PAX9: variants seen among roughly 807,000 people sequenced by gnomAD.
PAX9 encodes paired box protein Pax-9.
A neutral mutation model predicts 29.1 loss-of-function variants in PAX9; 6 were observed. The ratio of observed to expected loss-of-function variants is 0.21; its 90% CI spans 0.11 to 0.41. The LOEUF is 0.41. PAX9 is among the 10% of genes least tolerant of loss of function. PAX9 has a pLI of 1.00. For synonymous variants in PAX9, 217 were observed against 211.7 expected, an observed-to-expected ratio of 1.03 and a Z score of -0.22; for missense variants, 443 against 479.1, an observed-to-expected ratio of 0.92 and a Z score of 0.70.
chr14:36,675,180 G>A (rs899816311), intron 3 of PAX9, among the ~76,000 whole-genome samples: 9 of 151,822 alleles, frequency 5.9e-5, no homozygotes, highest in Admixed American at 6.6e-5. Flanking sequence ...TCAGGACACA[G>A]CATCTACACT....
intron 3 of PAX9, among the ~76,000 whole-genome samples, chr14:36,675,946 T>C (rs925402682): frequency 2.6e-5 from 4 of 152,216 alleles, no homozygotes; most frequent in Non-Finnish European, 5.9e-5. Flanking sequence ...AAGCAAATAC[T>C]ACGAATTTTC....
At position 36,678,706 on chromosome 14, in the gene PAX9, T is replaced by A; in HGVS notation, c.*2254T>A. On this transcript the variant is annotated 3_prime_UTR_variant, in exon 4 of 4. Transcript: ENST00000361487. ...AATGCAAATAATGTTATTTTCTTTA[T>A]CTAAATTAAGAAATCTCTTGTTATT... 8.1e-7 allele frequency: 1 copy of A among 1,227,838 alleles called. No homozygotes were observed. Among genetic ancestry groups the A allele is most frequent in the Non-Finnish European group, 1.0e-6 (1 of 982,758 alleles). The allele number at this position is 1,227,838 out of a possible 1,614,324, so 76.1% of individuals were successfully genotyped here.
chr14:36,676,589 C>A lies in PAX9; in HGVS notation c.*137C>A. 1 of 955,280 alleles carries A rather than the reference C, an allele frequency of 1.0e-6. No homozygotes were observed. The highest frequency in any genetic ancestry group is 1.6e-6 in the Non-Finnish European group (1 of 618,748). 59.2% of individuals were successfully genotyped at this position (955,280 alleles called of 1,614,324 possible). ...GAAAGCTGGCTGTACGGACTCACATCCTTTGTGCTAATGACACTTACATAT... is the reference window on the plus strand; with the variant it reads ...GAAAGCTGGCTGTACGGACTCACATACTTTGTGCTAATGACACTTACATAT... On this transcript the variant is annotated 3_prime_UTR_variant, in exon 4 of 4. Transcript: ENST00000361487.
intron 3 of PAX9, among the ~76,000 whole-genome samples, chr14:36,675,207 T>C (rs999143709): frequency 6.6e-6 from 1 of 152,184 alleles, no homozygotes; most frequent in African/African-American, 2.4e-5. Context: ...CTAAAGAGTA[T>C]AAAAATTGAG....
chr14:36,668,416 G>A (rs779177432), intron 3 of PAX9, among the ~76,000 whole-genome samples: 7 of 152,122 alleles, frequency 4.6e-5, no homozygotes, highest in Non-Finnish European at 7.3e-5. Context: ...TTGAGACGGA[G>A]TCTAGCTCTG....
At chr14:36,658,245 G>A (rs984069436), upstream of PAX9, among the ~76,000 whole-genome samples, 11 of 152,066 alleles carry the variant, frequency 7.2e-5, no homozygotes, top group Non-Finnish European at 1.5e-4. Flanking sequence ...TACTGCATTT[G>A]CCCCCAGACG....
upstream of PAX9, among the ~76,000 whole-genome samples, chr14:36,659,263 T>G (rs1277699428): frequency 6.6e-6 from 1 of 152,218 alleles, no homozygotes; most frequent in Non-Finnish European, 1.5e-5. Context: ...AGGTCCTGCA[T>G]CCTTACATTC....
At chr14:36,662,120 G>A in intron 1 of PAX9, 27 bp downstream of exon 1, 4 of 1,509,784 alleles carry the variant, frequency 2.6e-6, no homozygotes, top group Non-Finnish European at 3.6e-6. Flanking sequence ...GACTCTGTCA[G>A]AGCCGGGAAG....
chr14:36,672,837 T>G (rs1881737092), intron 3 of PAX9, among the ~76,000 whole-genome samples: 1 of 142,370 alleles, frequency 7.0e-6, no homozygotes, highest in African/African-American at 2.5e-5. Flanking sequence ...TTCTTTTTTC[T>G]TTCTTTCTTT....
chr14:36,662,069 G>C lies in PAX9; in HGVS notation c.-21G>C. On this transcript the variant is annotated 5_prime_UTR_variant, in exon 1 of 4. Transcript: ENST00000361487. The stretch of plus-strand genomic sequence containing the variant: ...TCTGGGAGTGCGGAACTGGGGCCGG[G>C]TTGGTGTACTGCTCGGAGCAATGGG... The C allele has an allele frequency of 2.6e-6, 4 of 1,536,564 alleles. No homozygotes were observed. The highest frequency in any genetic ancestry group is 3.5e-6 in the Non-Finnish European group (4 of 1,137,822).
At position 36,678,843 on chromosome 14, in the gene PAX9, T is replaced by C. The variant is rs1427650707; in HGVS notation, c.*2391T>C. On this transcript the variant is annotated 3_prime_UTR_variant, in exon 4 of 4. Transcript: ENST00000361487. ...TTAACAGTGAATTCACATGGAGTAATTTTTAAAAGATATCAGATACAATTT... is the reference window on the plus strand; with the variant it reads ...TTAACAGTGAATTCACATGGAGTAACTTTTAAAAGATATCAGATACAATTT... 3.1e-6 allele frequency: 3 copies of C among 980,568 alleles called. No homozygotes were observed. The highest frequency in any genetic ancestry group is 3.7e-6 in the Non-Finnish European group (3 of 819,820). 60.7% of individuals were successfully genotyped at this position (980,568 alleles called of 1,614,324 possible).
Position 36,663,106 on chromosome 14 carries a change from G to A in PAX9, c.214G>A (p.Gly72Arg). ...GGGCTCGATCTTGCCAGGAGCCATCGGGGGCAGCAAGCCCCGGGTCACTAC... is the reference window on the plus strand; with the variant it reads ...GGGCTCGATCTTGCCAGGAGCCATCAGGGGCAGCAAGCCCCGGGTCACTAC... ...ETGSILPGAIGGSKPRVTTPT... is the reference protein window; with the variant it reads ...ETGSILPGAIRGSKPRVTTPT... The change falls in exon 2 of 4, where the codon GGG becomes AGG. Residue 72 changes from glycine to arginine, a missense_variant. Around this residue, in one of 2 missense-constraint regions of PAX9, gnomAD observed 107 missense variants for 161.9 expected, o/e 0.66. Coordinates refer to ENST00000361487, the MANE Select transcript of PAX9 (RefSeq NM_001372076.1). The A allele has an allele frequency of 6.2e-7, 1 of 1,613,904 alleles. No homozygotes were observed. Among genetic ancestry groups the A allele is most frequent in the Non-Finnish European group, 8.5e-7 (1 of 1,180,024 alleles).
rs763349761 is a variant in PAX9, at chr14:36,663,406, A to C, written c.514A>C (p.Lys172Gln). 5 of 1,613,114 alleles carry C rather than the reference A, an allele frequency of 3.1e-6. No individual in the cohort carries two copies. The African/African-American group carries it at 6.7e-5, about 22-fold the overall frequency. ...YPSPITAAAAKVPTPPGVPAI... is the reference protein window; with the variant it reads ...YPSPITAAAAQVPTPPGVPAI... ...CAGCCCTATCACGGCGGCGGCCGCC[A>C]AGGTGCCCACGCCACCCGGGGTGCC... is the stretch of plus-strand genomic sequence containing the variant. The change falls in exon 2 of 4, where the codon AAG becomes CAG. Residue 172 changes from lysine (K) to glutamine (Q), a missense_variant. Physicochemically the swap from Lys to Gln is moderately conservative, Grantham distance 53. Coordinates refer to ENST00000361487, the MANE Select transcript of PAX9 (RefSeq NM_001372076.1).
At chr14:36,675,772 C>A (rs1183693924) in intron 3 of PAX9, among the ~76,000 whole-genome samples, 1 of 152,104 alleles carries the variant, frequency 6.6e-6, no homozygotes, top group African/African-American at 2.4e-5. Flanking sequence ...AAAGTTATAC[C>A]AACCAGGCCT....
At chr14:36,675,904 C>T (rs555937235) in intron 3 of PAX9, among the ~76,000 whole-genome samples, 42 of 152,328 alleles carry the variant, frequency 2.8e-4, no homozygotes, top group Non-Finnish European at 5.4e-4. Context: ...TTTTCTCACC[C>T]TGCACCTCCT....
Position 36,668,262 on chromosome 14 carries a change from G to A in PAX9, c.771+1661G>A, listed in dbSNP as rs78788476. Among the ~76,000 whole-genome samples the A allele has an allele frequency of 7.3e-3, 1,108 of 152,206 alleles. 14 individuals carry two copies. Among genetic ancestry groups the A allele is most frequent in the African/African-American group, 0.025 (1,046 of 41,524 alleles). ...AATAGGCGCTCAGTGCTTTTTATTA[G>A]GTCATCATTGATTGGAATAACATTG... On this transcript the variant is annotated intron_variant, in intron 3 of 3. Transcript: ENST00000361487.
At chr14:36,659,596 G>T (rs923063945), upstream of PAX9, among the ~76,000 whole-genome samples, 2 of 152,224 alleles carry the variant, frequency 1.3e-5, no homozygotes, top group Admixed American at 1.3e-4. Flanking sequence ...GCCGGCATGA[G>T]TGGGGCCTGC....
At chr14:36,661,840 G>A, upstream of PAX9, 2 of 575,324 alleles carry the variant, frequency 3.5e-6, no homozygotes, top group East Asian at 3.0e-5. Flanking sequence ...AGTGATAGAC[G>A]GAGCCGCCCT....
intron 3 of PAX9, among the ~76,000 whole-genome samples, chr14:36,672,331 A>G (rs1263621553): frequency 1.3e-5 from 2 of 152,234 alleles, no homozygotes; most frequent in South Asian, 2.1e-4. Context: ...CAGATTAATT[A>G]CATGCCCTTC....
Sources: allele counts gnomAD v4.1 joint callset (sites outside exome capture counted in the v4.1 genomes callset), GRCh38; gene constraint gnomAD v4.1.1; regional missense constraint gnomAD v4.1.1; transcripts MANE v1.5; gene names NCBI Gene and HGNC (gene_info 2026-07-23, HGNC 2026-07-21).